The following CYP7B1 variants were observed in gnomAD, a reference collection of about 807,000 sequenced individuals.
The protein encoded by CYP7B1 is cytochrome P450 7B1.
CYP7B1 carries 29 observed loss-of-function variants against 42.7 expected under a neutral mutation model. The observed-to-expected ratio is 0.68, with a 90% CI of 0.51 to 0.93. The LOEUF is 0.93. CYP7B1 is among the 40% of genes least tolerant of loss of function. The pLI, the probability that CYP7B1 is intolerant of heterozygous loss-of-function variation, is 0.00. For missense variants in CYP7B1, 655 were observed against 600.5 expected, an observed-to-expected ratio of 1.09 and a Z score of -0.95; for synonymous variants, 235 against 218.2, an observed-to-expected ratio of 1.08 and a Z score of -0.68.
chr8:64,776,254 C>T (rs1804325543), intron 1 of CYP7B1, among the ~76,000 whole-genome samples: 1 of 152,084 alleles, frequency 6.6e-6, no homozygotes, highest in South Asian at 2.1e-4. Context: ...TTTCTAAAGT[C>T]ATCCTTTGAC....
rs3779873 is a variant in CYP7B1, at chr8:64,608,039, T to C, written c.1058-3182A>G. 3.7e-4 allele frequency among the ~76,000 whole-genome samples: 56 copies of C among 152,324 alleles called. No individual in the cohort carries two copies. The East Asian group carries it at 7.1e-3, about 19-fold the overall frequency. On this transcript the variant is annotated intron_variant, in intron 4 of 5. Coordinates refer to ENST00000310193, the MANE Select transcript of CYP7B1 (RefSeq NM_004820.5). ...AAATTGGATTCCAAAATTCCCTCTA[T>C]GATCTCACAATTCAGAGCATGCACT... is the stretch of plus-strand genomic sequence containing the variant.
chr8:64,592,111 C>T lies in CYP7B1; in HGVS notation c.*4531G>A, dbSNP rs1268879606. ...GCTGAGACAAGGGAATTGCTTGAAC[C>T]CAGGAAGTGGAGGTTGCAGTGAGCT... On this transcript the variant is annotated 3_prime_UTR_variant, in exon 6 of 6. Coordinates refer to ENST00000310193, the MANE Select transcript of CYP7B1 (RefSeq NM_004820.5). Among the ~76,000 whole-genome samples, 2 of 151,798 alleles carry T rather than the reference C, an allele frequency of 1.3e-5. No homozygotes were observed. Among genetic ancestry groups the T allele is most frequent in the Non-Finnish European group, 2.9e-5 (2 of 67,992 alleles).
At chr8:64,680,574 A>T (rs35024796) in intron 1 of CYP7B1, among the ~76,000 whole-genome samples, 18,399 of 152,092 alleles carry the variant, frequency 0.12, 1,280 homozygotes, top group Non-Finnish European at 0.16. Flanking sequence ...TCACAAAAAA[A>T]AACCACTGCA....
chr8:64,622,506 CCAGGGAATAACTT>C (rs1339563339), intron 2 of CYP7B1, among the ~76,000 whole-genome samples: 1 of 152,062 alleles, frequency 6.6e-6, no homozygotes, highest in African/African-American at 2.4e-5. Flanking sequence ...GGTAGGTGGA[CCAGGGAATAACTT>C]CAGCAAGGCT....
At chr8:64,697,392 C>T (rs945040360) in intron 1 of CYP7B1, among the ~76,000 whole-genome samples, 11 of 86,660 alleles carry the variant, frequency 1.3e-4, no homozygotes, top group Admixed American at 1.2e-3. Context: ...AATGTGTAAG[C>T]CCCCCTCCCG....
At chr8:64,701,011 T>A (rs1004326508) in intron 1 of CYP7B1, among the ~76,000 whole-genome samples, 2 of 152,092 alleles carry the variant, frequency 1.3e-5, no homozygotes, top group South Asian at 4.1e-4. Context: ...CTAAGAGTAA[T>A]GAAAACTTCA....
chr8:64,635,571 C>T (rs913867626), intron 1 of CYP7B1, among the ~76,000 whole-genome samples: 1 of 152,212 alleles, frequency 6.6e-6, no homozygotes, highest in East Asian at 1.9e-4. Flanking sequence ...TAGCATTTGA[C>T]TTAAAACTTG....
chr8:64,703,204 T>G (rs1464905924), intron 1 of CYP7B1, among the ~76,000 whole-genome samples: 1 of 152,000 alleles, frequency 6.6e-6, no homozygotes, highest in Non-Finnish European at 1.5e-5. Flanking sequence ...ATGCTTCTAT[T>G]CTGTTCCAAA....
At chr8:64,705,990 ATT>A (rs766990575) in intron 1 of CYP7B1, among the ~76,000 whole-genome samples, 4 of 152,036 alleles carry the variant, frequency 2.6e-5, no homozygotes, top group Non-Finnish European at 4.4e-5. Flanking sequence ...CCAACGGGTT[ATT>A]TTAACCAAGA....
intron 1 of CYP7B1, among the ~76,000 whole-genome samples, chr8:64,645,998 G>A (rs1805948718): frequency 6.6e-6 from 1 of 152,196 alleles, no homozygotes; most frequent in Non-Finnish European, 1.5e-5. Context: ...CCAGCCATAT[G>A]TAGAAAGCTG....
At chr8:64,689,959 T>C (rs1806713696) in intron 1 of CYP7B1, among the ~76,000 whole-genome samples, 1 of 152,260 alleles carries the variant, frequency 6.6e-6, no homozygotes, top group South Asian at 2.1e-4. Flanking sequence ...TGTGTTCTCC[T>C]TTTAAATAAG....
At chr8:64,646,229 C>G (rs1221022667) in intron 1 of CYP7B1, among the ~76,000 whole-genome samples, 1 of 151,850 alleles carries the variant, frequency 6.6e-6, no homozygotes, top group Non-Finnish European at 1.5e-5. Flanking sequence ...AGCTTCTGCA[C>G]AGCAAAAGAA....
rs139801548 is a variant in CYP7B1, at chr8:64,646,759, A to T, written c.123-22220T>A. ...TTATGGAGATGGTGTCTTTCCTTAA[A>T]CCTCACGAACTGCCCTTGACTAGCT... is the stretch of plus-strand genomic sequence containing the variant. On this transcript the variant is annotated intron_variant, in intron 1 of 5. Transcript: ENST00000310193. Among the ~76,000 whole-genome samples, 22 of 152,240 alleles carry T rather than the reference A, an allele frequency of 1.4e-4. No individual in the cohort carries two copies. The East Asian group carries it at 4.1e-3, about 28-fold the overall frequency.
chr8:64,589,149 A>C (rs952154088), downstream of CYP7B1, among the ~76,000 whole-genome samples: 1 of 152,238 alleles, frequency 6.6e-6, no homozygotes, highest in Non-Finnish European at 1.5e-5. Flanking sequence ...TCACACACTC[A>C]AACTATCCCT....
chr8:64,691,483 G>C (rs979364177), intron 1 of CYP7B1, among the ~76,000 whole-genome samples: 4 of 15,506 alleles, frequency 2.6e-4, no homozygotes, highest in Non-Finnish European at 6.4e-4. Context: ...GATGGCAACT[G>C]GGGGGGGGGG....
intron 1 of CYP7B1, among the ~76,000 whole-genome samples, chr8:64,776,801 C>T (rs144726704): frequency 1.1e-4 from 17 of 152,216 alleles, no homozygotes; most frequent in Admixed American, 3.3e-4. Context: ...GAGATACCCT[C>T]CCTACACCCA....
chr8:64,642,303 T>C (rs2129630994), intron 1 of CYP7B1, among the ~76,000 whole-genome samples: 1 of 152,186 alleles, frequency 6.6e-6, no homozygotes, highest in Non-Finnish European at 1.5e-5. Context: ...TTCGAAGTCC[T>C]AGTAATGTGT....
intron 1 of CYP7B1, among the ~76,000 whole-genome samples, chr8:64,788,242 G>C (rs1409149103): frequency 2.0e-5 from 3 of 152,202 alleles, no homozygotes; most frequent in African/African-American, 7.2e-5. Context: ...CTAACACAAG[G>C]TGTTAATAGT....
intron 4 of CYP7B1, among the ~76,000 whole-genome samples, chr8:64,614,515 G>A (rs1805405316): frequency 6.6e-6 from 1 of 151,304 alleles, no homozygotes; most frequent in African/African-American, 2.4e-5. Flanking sequence ...CCTTTTTTGT[G>A]GGTTTAAATC....
Sources: gnomAD v4.1 joint callset for allele counts (sites outside exome capture counted in the v4.1 genomes callset) on GRCh38, gnomAD v4.1.1 for gene constraint, MANE v1.5 for transcripts, NCBI Gene and HGNC (gene_info 2026-07-23, HGNC 2026-07-21) for gene names.